The following SLC39A11 variants were observed in gnomAD, a reference collection of about 807,000 sequenced individuals.
SLC39A11 encodes solute carrier family 39 member 11.
A neutral mutation model predicts 36.1 loss-of-function variants in SLC39A11; 33 were observed. That is an observed-to-expected ratio of 0.91 (90% CI 0.69 to 1.22). The LOEUF (loss-of-function observed/expected upper bound fraction) is 1.22. SLC39A11 is among the 50% of genes most tolerant of loss of function. The pLI is 0.00. For missense variants in SLC39A11, 432 were observed against 430.3 expected, an observed-to-expected ratio of 1.00 and a Z score of -0.03; for synonymous variants, 166 against 170.3, an observed-to-expected ratio of 0.97 and a Z score of 0.20.
At chr17:72,736,169 G>A (rs780118104) in intron 7 of SLC39A11, among the ~76,000 whole-genome samples, 1 of 152,148 alleles carries the variant, frequency 6.6e-6, no homozygotes, top group African/African-American at 2.4e-5. Flanking sequence ...GGATGCTCTG[G>A]ATACAGGTCC....
At chr17:72,947,002 G>T (rs1273510087) in intron 5 of SLC39A11, among the ~76,000 whole-genome samples, 1 of 152,156 alleles carries the variant, frequency 6.6e-6, no homozygotes, top group Non-Finnish European at 1.5e-5. Context: ...AGCTTTTCTG[G>T]CTCCAAATTG....
intron 7 of SLC39A11, among the ~76,000 whole-genome samples, chr17:72,721,314 C>T (rs2143587468): frequency 6.6e-6 from 1 of 152,220 alleles, no homozygotes; most frequent in African/African-American, 2.4e-5. Context: ...CCAGTCTGGT[C>T]TCGATCTCCT....
At chr17:72,899,925 A>T (rs558167311) in intron 5 of SLC39A11, among the ~76,000 whole-genome samples, 1 of 150,952 alleles carries the variant, frequency 6.6e-6, no homozygotes, top group Non-Finnish European at 1.5e-5. Flanking sequence ...TCACACCACT[A>T]TATTCCAGCC....
At chr17:72,794,885 G>A (rs1216921792) in intron 6 of SLC39A11, among the ~76,000 whole-genome samples, 1 of 152,038 alleles carries the variant, frequency 6.6e-6, no homozygotes, top group Non-Finnish European at 1.5e-5. Context: ...GGTCAGGGAT[G>A]GGGAAAGAAA....
chr17:72,836,717 T>C (rs1442629575), intron 6 of SLC39A11, among the ~76,000 whole-genome samples: 1 of 152,214 alleles, frequency 6.6e-6, no homozygotes, highest in Non-Finnish European at 1.5e-5. Flanking sequence ...AAATCATGTA[T>C]GTGGTGCACT....
intron 7 of SLC39A11, among the ~76,000 whole-genome samples, chr17:72,678,591 G>A (rs2071376275): frequency 6.6e-6 from 1 of 152,088 alleles, no homozygotes; most frequent in South Asian, 2.1e-4. Flanking sequence ...TGTAATCCCA[G>A]CTACTCGGGA....
chr17:72,944,952 G>C (rs2085337946), intron 5 of SLC39A11, among the ~76,000 whole-genome samples: 1 of 152,100 alleles, frequency 6.6e-6, no homozygotes, highest in Non-Finnish European at 1.5e-5. Context: ...TGTCTGAGAT[G>C]GGGGGACTAG....
At chr17:72,783,569 T>C (rs75671588) in intron 6 of SLC39A11, among the ~76,000 whole-genome samples, 6 of 152,188 alleles carry the variant, frequency 3.9e-5, no homozygotes, top group African/African-American at 1.2e-4. Flanking sequence ...GCAAACGAAA[T>C]GACCCAGAAC....
Position 72,953,159 on chromosome 17 carries a change from C to T in SLC39A11, c.307-5284G>A, listed in dbSNP as rs183306110. Among the ~76,000 whole-genome samples, 32 of 152,072 alleles carry T rather than the reference C, an allele frequency of 2.1e-4. No individual in the cohort carries two copies. In the East Asian group the frequency reaches 2.1e-3, roughly 10 times the overall value. ...ACCACCCACCCACCACCCAGGGCCA[C>T]GGAACTTGAGACTCCTGTCCTCTTA... On this transcript the variant is annotated intron_variant, in intron 4 of 9. Coordinates refer to ENST00000255559, the MANE Select transcript of SLC39A11 (RefSeq NM_139177.4).
At chr17:72,852,435 C>A (rs2079403084) in intron 5 of SLC39A11, among the ~76,000 whole-genome samples, 1 of 152,086 alleles carries the variant, frequency 6.6e-6, no homozygotes, top group Non-Finnish European at 1.5e-5. Context: ...CTCCACTGGT[C>A]AGTAGCCCTG....
rs537669362 is a variant in SLC39A11 at position 72,854,324 on chromosome 17, G to C, written c.431-4520C>G. 3.3e-5 allele frequency among the ~76,000 whole-genome samples: 5 copies of C among 151,852 alleles called. No individual in the cohort carries two copies. In the South Asian group the frequency reaches 1.0e-3, roughly 32 times the overall value. On this transcript the variant is annotated intron_variant, in intron 5 of 9. Coordinates refer to ENST00000255559, the MANE Select transcript of SLC39A11 (RefSeq NM_139177.4). ...CTGGGGATGAAGTGGGGGGTGGGGT[G>C]GGGGTGGAGAAAAGGCTGAACTGCT...
At chr17:72,957,472 C>T (rs1426928015) in intron 4 of SLC39A11, among the ~76,000 whole-genome samples, 3 of 152,182 alleles carry the variant, frequency 2.0e-5, no homozygotes, top group Non-Finnish European at 4.4e-5. Context: ...TAGGGCTTCT[C>T]CAGTGAGGAC....
In SLC39A11 at chr17:73,084,845, C is replaced by T; in HGVS notation, c.110G>A (p.Arg37Lys). ...ALVFVFSSGQ[R>K]RILDGSLGFA... is the part of the protein sequence containing the mutation. The stretch of plus-strand genomic sequence containing the variant: ...GCCAAGACTTCCATCTAAGATCCGC[C>T]TCTGAAAATCAAAACAAGATGTTTC... The change falls in exon 3 of 10, where the codon AGG becomes AAG. Residue 37 changes from arginine (R) to lysine (K), a missense_variant and splice_region_variant. Coordinates refer to ENST00000255559, the MANE Select transcript of SLC39A11 (RefSeq NM_139177.4). 1 of 1,614,096 alleles carries T rather than the reference C, an allele frequency of 6.2e-7. No individual in the cohort carries two copies. The highest frequency in any genetic ancestry group is 1.7e-5 in the Admixed American group (1 of 60,004).
chr17:72,647,597 A>G lies in SLC39A11; in HGVS notation c.995T>C (p.Val332Ala). The change falls in exon 10 of 10, where the codon GTT becomes GCT. Residue 332 changes from valine (V) to alanine (A), a missense_variant. Transcript: ENST00000255559. ...AGCGTCTCAGCCCTAGCCCAGGCCA[A>G]CGTCCAGTGACATCATCACTACAAA... ...LGFVVMMSLD[V>A]GLG The G allele has an allele frequency of 1.2e-6, 2 of 1,613,862 alleles. No individual in the cohort carries two copies. The highest frequency in any genetic ancestry group is 1.7e-6 in the Non-Finnish European group (2 of 1,179,898).
intron 6 of SLC39A11, among the ~76,000 whole-genome samples, chr17:72,755,752 C>G (rs1319789282): frequency 1.3e-5 from 2 of 152,236 alleles, no homozygotes; most frequent in African/African-American, 4.8e-5. Flanking sequence ...GGCCTCCTCC[C>G]TGACAAGCTT....
intron 4 of SLC39A11, among the ~76,000 whole-genome samples, chr17:72,996,105 A>C (rs985275347): frequency 6.6e-6 from 1 of 152,042 alleles, no homozygotes; most frequent in African/African-American, 2.4e-5. Flanking sequence ...CTAAAATGCA[A>C]ATCTGAAGAT....
intron 6 of SLC39A11, among the ~76,000 whole-genome samples, chr17:72,822,437 A>G (rs774824977): frequency 1.3e-5 from 2 of 150,826 alleles, no homozygotes; most frequent in African/African-American, 4.8e-5. Context: ...CATATGACAT[A>G]TAAGACTCCA....
intron 5 of SLC39A11, among the ~76,000 whole-genome samples, chr17:72,926,552 T>C (rs577943575): frequency 4.1e-4 from 63 of 152,306 alleles, no homozygotes; most frequent in African/African-American, 1.4e-3. Flanking sequence ...GCTAAAATGA[T>C]GTCCATCCAG....
intron 6 of SLC39A11, among the ~76,000 whole-genome samples, chr17:72,780,999 T>C (rs1464887411): frequency 7.1e-6 from 1 of 141,368 alleles, no homozygotes; most frequent in Non-Finnish European, 1.5e-5. Flanking sequence ...AAAAAAGAAA[T>C]AAATAAGTAA....
Sources: gnomAD v4.1 joint callset for allele counts (sites outside exome capture counted in the v4.1 genomes callset) on GRCh38, gnomAD v4.1.1 for gene constraint, MANE v1.5 for transcripts, NCBI Gene and HGNC (gene_info 2026-07-23, HGNC 2026-07-21) for gene names.